PCDHGB6: variants seen among roughly 807,000 people sequenced by gnomAD.
PCDHGB6 encodes protocadherin gamma-B6.
PCDHGB6 carries 51 observed loss-of-function variants against 59.1 expected under a neutral mutation model. The ratio of observed to expected loss-of-function variants is 0.86; its 90% confidence interval spans 0.69 to 1.09. PCDHGB6 has a LOEUF of 1.09. PCDHGB6 is among the 50% of genes least tolerant of loss of function. The pLI is 0.00. For missense variants in PCDHGB6, 1,148 were observed against 1,205.1 expected, an observed-to-expected ratio of 0.95 and a Z score of 0.70; for synonymous variants, 466 against 495.1, an observed-to-expected ratio of 0.94 and a Z score of 0.78.
At chr5:141,464,978 GT>G in intron 1 of PCDHGB6, among the ~76,000 whole-genome samples, 1 of 152,148 alleles carries the variant, frequency 6.6e-6, no homozygotes, top group East Asian at 1.9e-4. Context: ...CTGGCTTCAA[GT>G]GATCCTCCCA....
chr5:141,481,065 AAAAG>A (rs1476331686), intron 1 of PCDHGB6, among the ~76,000 whole-genome samples: 1 of 152,164 alleles, frequency 6.6e-6, no homozygotes, highest in Non-Finnish European at 1.5e-5. Flanking sequence ...CTCAAAAACA[AAAAG>A]AAAGAAAGAA....
chr5:141,427,829 G>C, intron 1 of PCDHGB6: 1 of 1,538,520 alleles, frequency 6.5e-7, no homozygotes. Flanking sequence ...TGGTCGCGCA[G>C]CGTGCCTTCG....
At chr5:141,440,859 T>C (rs1272611201) in intron 1 of PCDHGB6, 1 of 152,076 alleles carries the variant, frequency 6.6e-6, no homozygotes, top group Non-Finnish European at 1.5e-5. Context: ...CCTGTGTTCA[T>C]CTAGGATGTG....
intron 3 of PCDHGB6, 57 bp from the exon 4 acceptor site, chr5:141,510,890 A>G (rs1434557860): frequency 1.2e-5 from 20 of 1,612,748 alleles, no homozygotes; most frequent in South Asian, 3.3e-5. Context: ...GATATAAGAC[A>G]GTGACTGTTG....
intron 1 of PCDHGB6, among the ~76,000 whole-genome samples, chr5:141,450,006 C>CTATTTTTTTTTT (rs70988802): frequency 7.5e-6 from 1 of 132,986 alleles, no homozygotes. Context: ...TGCCATGTCT[C>CTATTTTTTTTTT]TTTTTTTTTT....
At position 141,485,562 on chromosome 5, in the gene PCDHGB6, C is replaced by T. The variant is rs779890454; in HGVS notation, c.2419-9245C>T. 2.5e-6 allele frequency: 4 copies of T among 1,612,910 alleles called. No homozygotes were observed. Among genetic ancestry groups the T allele is most frequent in the Admixed American group, 1.7e-5 (1 of 59,996 alleles). On this transcript the variant is annotated intron_variant, in intron 1 of 3. Transcript: ENST00000520790. The surrounding 1 kb of genome is among the most constrained non-coding windows in gnomAD (Gnocchi z 5.7). ...GAGATCGTAGATGTGAATGATCACG[C>T]CCCCCGTTTTCCGCGGCAGCAGCTG... is the stretch of plus-strand genomic sequence containing the variant.
At position 141,461,300 on chromosome 5, in the gene PCDHGB6, A is replaced by G. The variant is rs889981233; in HGVS notation, c.2419-33507A>G. Among the ~76,000 whole-genome samples, 10 of 152,106 alleles carry G rather than the reference A, an allele frequency of 6.6e-5. No individual in the cohort carries two copies. In the East Asian group the frequency reaches 1.4e-3, roughly 21 times the overall value. On this transcript the variant is annotated intron_variant, in intron 1 of 3. Transcript: ENST00000520790. The stretch of plus-strand genomic sequence containing the variant: ...TTTCCCCACATCCACACCAACATCT[A>G]TTGTTTTTTGACTTTTTAATAATGG...
chr5:141,472,230 C>T (rs1274096264), intron 1 of PCDHGB6, among the ~76,000 whole-genome samples: 1 of 152,116 alleles, frequency 6.6e-6, no homozygotes, highest in Non-Finnish European at 1.5e-5. Flanking sequence ...TCATATAATA[C>T]ATTCACTTTC....
chr5:141,422,355 T>A, intron 1 of PCDHGB6: 1 of 1,557,416 alleles, frequency 6.4e-7, no homozygotes, highest in Non-Finnish European at 8.6e-7. Flanking sequence ...AAGATCAAGA[T>A]TCTGGAGAAA....
In PCDHGB6 at chr5:141,480,033, C is replaced by G. The variant is rs370321166; in HGVS notation, c.2419-14774C>G. On this transcript the variant is annotated intron_variant, in intron 1 of 3. Coordinates refer to ENST00000520790, the MANE Select transcript of PCDHGB6 (RefSeq NM_018926.3). ...CTCAATCTCCTTTCTAAGCCTCTTC[C>G]TCATATGCAAAAAGGGAATAATAAG... is the stretch of plus-strand genomic sequence containing the variant. Among the ~76,000 whole-genome samples, 3 of 152,224 alleles carry G rather than the reference C, an allele frequency of 2.0e-5. No individual in the cohort carries two copies. The East Asian group carries it at 5.8e-4, about 29-fold the overall frequency.
rs1317699369 is a variant in PCDHGB6 at position 141,477,408 on chromosome 5, A to G, written c.2419-17399A>G. The G allele has an allele frequency of 6.2e-7, 1 of 1,614,098 alleles. No homozygotes were observed. ...TACAACCTCAGCATCACCGCCCGAG[A>G]CGCCGGAACCCCTTCCCTCTCAGCC... On this transcript the variant is annotated intron_variant, in intron 1 of 3. Transcript: ENST00000520790. This position sits in a 1 kb window ranked among gnomAD's most constrained non-coding sequence, Gnocchi z 4.9.
At chr5:141,483,240 T>C (rs2099578643) in intron 1 of PCDHGB6, among the ~76,000 whole-genome samples, 2 of 151,742 alleles carry the variant, frequency 1.3e-5, no homozygotes, top group Non-Finnish European at 1.5e-5. Flanking sequence ...TGAACTGATA[T>C]GCATATATCA....
chr5:141,435,838 C>T (rs1037110579), intron 1 of PCDHGB6, among the ~76,000 whole-genome samples: 1 of 152,062 alleles, frequency 6.6e-6, no homozygotes, highest in Non-Finnish European at 1.5e-5. Context: ...TGCCTATCTA[C>T]TTTGAAAGAT....
chr5:141,484,426 C>T (rs377504062), intron 1 of PCDHGB6, among the ~76,000 whole-genome samples: 1 of 152,188 alleles, frequency 6.6e-6, no homozygotes, highest in African/African-American at 2.4e-5. Context: ...ACAATGAGAA[C>T]ATGTACTGCA....
chr5:141,494,903 G>A (rs760748707), intron 2 of PCDHGB6, 38 bp downstream of exon 2: 39 of 1,613,894 alleles, frequency 2.4e-5, no homozygotes, highest in Non-Finnish European at 3.1e-5. Context: ...TCTTCTCTGC[G>A]GCATTTTCTC....
At position 141,489,125 on chromosome 5, in the gene PCDHGB6, G is replaced by T. The variant is rs537146985; in HGVS notation, c.2419-5682G>T. 1.1e-4 allele frequency: 77 copies of T among 728,124 alleles called. No individual in the cohort carries two copies. The East Asian group carries it at 1.9e-3, about 18-fold the overall frequency. 45.1% of individuals were successfully genotyped at this position (728,124 alleles called of 1,614,324 possible). A position where few individuals can be genotyped will look rare whatever the true frequency, so the allele number is the denominator to read the frequency against. ...CTGCAAGCAGGCAAACCTCCGAGCAGTTTTTAAGAGGCTGGAAGGAGACAT... is the reference window on the plus strand; with the variant it reads ...CTGCAAGCAGGCAAACCTCCGAGCATTTTTTAAGAGGCTGGAAGGAGACAT... On this transcript the variant is annotated intron_variant, in intron 1 of 3. Coordinates refer to ENST00000520790, the MANE Select transcript of PCDHGB6 (RefSeq NM_018926.3). The surrounding 1 kb of genome is among the most constrained non-coding windows in gnomAD (Gnocchi z 4.5).
Position 141,431,854 on chromosome 5 carries a change from A to G in PCDHGB6, c.2418+21234A>G. On this transcript the variant is annotated intron_variant, in intron 1 of 3. Coordinates refer to ENST00000520790, the MANE Select transcript of PCDHGB6 (RefSeq NM_018926.3). The surrounding 1 kb of genome is among the most constrained non-coding windows in gnomAD (Gnocchi z 4.8). Reference sequence around the variant, plus strand: ...CCGAAAACTCTCCCAGAGGGACATTAATTGCCCTTTTAAATGTAAATGACC... The same window carrying G: ...CCGAAAACTCTCCCAGAGGGACATTGATTGCCCTTTTAAATGTAAATGACC... The G allele has an allele frequency of 6.2e-7, 1 of 1,614,230 alleles. No individual in the cohort carries two copies. The highest frequency in any genetic ancestry group is 1.3e-5 in the African/African-American group (1 of 75,070).
Position 141,410,234 on chromosome 5 carries a change from CG to C in PCDHGB6, c.2033del (p.Arg678ProfsTer21). Reference sequence around the variant, plus strand: ...AGAGATACTGCCAGACCTCAGCGACCGCCCTGTACTCTCTGACCCCCAGGCT... The same window carrying C: ...AGAGATACTGCCAGACCTCAGCGACCCCCTGTACTCTCTGACCCCCAGGCT... ...LQEILPDLSD[R>X]PVLSDPQAEL... On this transcript the variant is annotated frameshift_variant, in exon 1 of 4. Transcript: ENST00000520790. LOFTEE classifies it high-confidence loss of function. The C allele has an allele frequency of 6.2e-7, 1 of 1,613,984 alleles. No homozygotes were observed. The highest frequency in any genetic ancestry group is 8.5e-7 in the Non-Finnish European group (1 of 1,179,868).
At position 141,487,603 on chromosome 5, in the gene PCDHGB6, C is replaced by T; in HGVS notation, c.2419-7204C>T. The stretch of plus-strand genomic sequence containing the variant: ...CAAGCTGCCCACCCTCTGATCTTCT[C>T]TATGGGCTAGAGGTGAGACCTTTGC... On this transcript the variant is annotated intron_variant, in intron 1 of 3. Transcript: ENST00000520790. This position sits in a 1 kb window ranked among gnomAD's most constrained non-coding sequence, Gnocchi z 5.0. 1.2e-6 allele frequency: 2 copies of T among 1,614,214 alleles called. No individual in the cohort carries two copies. Among genetic ancestry groups the T allele is most frequent in the Non-Finnish European group, 1.7e-6 (2 of 1,180,042 alleles).
Sources: gnomAD v4.1 joint callset for allele counts (sites outside exome capture counted in the v4.1 genomes callset) on GRCh38, gnomAD v4.1.1 for gene constraint, Gnocchi (gnomAD v3.1) non-coding constraint, MANE v1.5 for transcripts, NCBI Gene and HGNC (gene_info 2026-07-23, HGNC 2026-07-21) for gene names.